PCDHGB2: variants seen among roughly 807,000 people sequenced by gnomAD.
The protein encoded by PCDHGB2 is protocadherin gamma subfamily B, 2, also known as protocadherin gamma-B2.
In PCDHGB2, 55 loss-of-function variants were observed where a neutral mutation model predicts 59.3. The observed-to-expected ratio is 0.93, with a 90% CI of 0.75 to 1.16. PCDHGB2 has a LOEUF of 1.16. Ranked by LOEUF, PCDHGB2 falls within the 50% of genes most tolerant of loss-of-function variation. PCDHGB2 has a pLI of 0.00. For synonymous variants in PCDHGB2, 516 were observed against 512.0 expected, an observed-to-expected ratio of 1.01 and a Z score of -0.11; for missense variants, 1,228 against 1,198.5, an observed-to-expected ratio of 1.02 and a Z score of -0.36.
At chr5:141,453,745 A>G (rs1208061874) in intron 1 of PCDHGB2, among the ~76,000 whole-genome samples, 1 of 152,264 alleles carries the variant, frequency 6.6e-6, no homozygotes, top group African/African-American at 2.4e-5. Context: ...CTTAAATAAC[A>G]TAAGTCTCCT....
chr5:141,485,245 G>C lies in PCDHGB2; in HGVS notation c.2422-9562G>C. 1 of 1,614,188 alleles carries C rather than the reference G, an allele frequency of 6.2e-7. No individual in the cohort carries two copies. Among genetic ancestry groups the C allele is most frequent in the Non-Finnish European group, 8.5e-7 (1 of 1,180,008 alleles). On this transcript the variant is annotated intron_variant, in intron 1 of 3. Coordinates refer to ENST00000522605, the MANE Select transcript of PCDHGB2 (RefSeq NM_018923.3). This position sits in a 1 kb window ranked among gnomAD's most constrained non-coding sequence, Gnocchi z 5.7. The stretch of plus-strand genomic sequence containing the variant: ...CCCTTTTGTTCCTCTTTTACCACCT[G>C]GGTTACGTTTGTGGGCAGATCCGCT...
At chr5:141,394,268 C>A in intron 1 of PCDHGB2, 3 of 1,613,946 alleles carry the variant, frequency 1.9e-6, no homozygotes, top group Non-Finnish European at 2.5e-6. Flanking sequence ...AGGAGAATGC[C>A]CAGGTCACTT....
intron 1 of PCDHGB2, chr5:141,492,015 G>A (rs117345436): frequency 3.3e-6 from 2 of 600,492 alleles, no homozygotes; most frequent in African/African-American, 1.9e-5. Context: ...CGCGGGTGTC[G>A]GGGGTCCCGG....
At chr5:141,471,708 T>G (rs1359785951) in intron 1 of PCDHGB2, among the ~76,000 whole-genome samples, 1 of 152,138 alleles carries the variant, frequency 6.6e-6, no homozygotes, top group Non-Finnish European at 1.5e-5. Context: ...GGAATAGAAG[T>G]GCCACTTACC....
At chr5:141,470,025 A>T (rs2099219670) in intron 1 of PCDHGB2, among the ~76,000 whole-genome samples, 1 of 152,156 alleles carries the variant, frequency 6.6e-6, no homozygotes, top group African/African-American at 2.4e-5. Context: ...GCTACTCGGG[A>T]TGCTGAGGCG....
chr5:141,423,348 C>G, intron 1 of PCDHGB2: 1 of 1,614,222 alleles, frequency 6.2e-7, no homozygotes. Flanking sequence ...TCTTCCTGGT[C>G]TTTGTCATCG....
chr5:141,477,951 G>T lies in PCDHGB2; in HGVS notation c.2422-16856G>T. 3 of 1,614,120 alleles carry T rather than the reference G, an allele frequency of 1.9e-6. No homozygotes were observed. The highest frequency in any genetic ancestry group is 2.5e-6 in the Non-Finnish European group (3 of 1,180,024). Reference sequence around the variant, plus strand: ...GCCTGGCTCTCCTACAGTCTCTTGGGATCCCCTAACCAGAGCCTTTTTGCC... The same window carrying T: ...GCCTGGCTCTCCTACAGTCTCTTGGTATCCCCTAACCAGAGCCTTTTTGCC... On this transcript the variant is annotated intron_variant, in intron 1 of 3. Transcript: ENST00000522605. The surrounding 1 kb of genome is among the most constrained non-coding windows in gnomAD (Gnocchi z 4.9).
chr5:141,413,398 A>G lies in PCDHGB2; in HGVS notation c.2421+50842A>G, dbSNP rs780416951. The G allele has an allele frequency of 1.9e-5, 30 of 1,613,944 alleles. No homozygotes were observed. Among genetic ancestry groups the G allele is most frequent in the African/African-American group, 4.0e-5 (3 of 74,960 alleles). Reference sequence around the variant, plus strand: ...CGGAGTCCGCATAGTCTCCAGAGGTAGGACGCAGCTTTTCTCTCTGAACCC... The same window carrying G: ...CGGAGTCCGCATAGTCTCCAGAGGTGGGACGCAGCTTTTCTCTCTGAACCC... On this transcript the variant is annotated intron_variant, in intron 1 of 3. Transcript: ENST00000522605.
At chr5:141,383,665 C>T (rs1779352748) in intron 1 of PCDHGB2, 2 of 1,613,970 alleles carry the variant, frequency 1.2e-6, no homozygotes, top group Non-Finnish European at 1.7e-6. Flanking sequence ...CGAGAATGTG[C>T]CAGTGGGTAC....
chr5:141,377,398 G>A (rs1274775607), intron 1 of PCDHGB2: 1 of 152,106 alleles, frequency 6.6e-6, no homozygotes. Context: ...TTGAGACCAG[G>A]AGTTTGAGAC....
intron 1 of PCDHGB2, chr5:141,416,359 A>G (rs1215806118): frequency 6.6e-6 from 1 of 152,228 alleles, no homozygotes; most frequent in Non-Finnish European, 1.5e-5. Flanking sequence ...TGAGGAGGCT[A>G]TAGAGGGTGA....
intron 1 of PCDHGB2, chr5:141,398,862 C>T (rs771326288): frequency 1.9e-5 from 31 of 1,613,848 alleles, no homozygotes; most frequent in Non-Finnish European, 2.6e-5. Flanking sequence ...TCAACCGAGA[C>T]GTGTACAGAG....
chr5:141,396,811 A>G (rs999771105), intron 1 of PCDHGB2, among the ~76,000 whole-genome samples: 1 of 152,226 alleles, frequency 6.6e-6, no homozygotes, highest in Non-Finnish European at 1.5e-5. Flanking sequence ...GTAGTGTTCT[A>G]CTGTATGGTG....
intron 1 of PCDHGB2, chr5:141,404,741 GACT>G: frequency 6.2e-7 from 1 of 1,614,072 alleles, no homozygotes; most frequent in Non-Finnish European, 8.5e-7. Flanking sequence ...AGTGGACAGA[GACT>G]CAGGCCAGAA....
chr5:141,360,455 A>T lies in PCDHGB2; in HGVS notation c.320A>T (p.Asp107Val), dbSNP rs369787624. ...CAGCCTCTGTGTGTTCTGGATTTCG[A>T]TACTGTCGCTGAAAATCCACTAAAT... ...GKQPLCVLDFDTVAENPLNIF... is the reference protein window; with the variant it reads ...GKQPLCVLDFVTVAENPLNIF... The change falls in exon 1 of 4, where the codon GAT (aspartate) becomes GTT (valine). Residue 107 changes from aspartate to valine, a missense_variant. This residue lies in a region of PCDHGB2 where 781 missense variants were observed against 721.6 expected (regional missense o/e 1.08). Coordinates refer to ENST00000522605, the MANE Select transcript of PCDHGB2 (RefSeq NM_018923.3). The T allele has an allele frequency of 1.4e-5, 22 of 1,613,862 alleles. No individual in the cohort carries two copies. Among genetic ancestry groups the T allele is most frequent in the Non-Finnish European group, 1.7e-5 (20 of 1,179,882 alleles).
intron 1 of PCDHGB2, chr5:141,414,163 G>A (rs1455950284): frequency 5.6e-6 from 9 of 1,603,256 alleles, no homozygotes; most frequent in Non-Finnish European, 7.7e-6. Flanking sequence ...AGATGGAGGA[G>A]CATATCTTGC....
Position 141,362,219 on chromosome 5 carries a change from C to A in PCDHGB2, c.2084C>A (p.Ala695Asp), listed in dbSNP as rs368538544. 6.2e-7 allele frequency: 1 copy of A among 1,614,034 alleles called. No individual in the cohort carries two copies. Among genetic ancestry groups the A allele is most frequent in the Non-Finnish European group, 8.5e-7 (1 of 1,179,900 alleles). ...QAKLQFYLVVALALISVLFFL... is the reference protein window; with the variant it reads ...QAKLQFYLVVDLALISVLFFL... ...AAACTGCAGTTTTACCTGGTTGTGG[C>A]CTTGGCCTTGATCTCAGTGCTCTTC... The change falls in exon 1 of 4, where the codon GCC (alanine) becomes GAC (aspartate). Residue 695 changes from alanine to aspartate, a missense_variant. This residue lies in a region of PCDHGB2 where 433 missense variants were observed against 441.8 expected (regional missense o/e 0.98). Transcript: ENST00000522605.
intron 1 of PCDHGB2, among the ~76,000 whole-genome samples, chr5:141,480,976 T>G (rs1485868136): frequency 6.6e-6 from 1 of 152,108 alleles, no homozygotes; most frequent in Non-Finnish European, 1.5e-5. Context: ...GGAGAATCAG[T>G]GAACCCAGGA....
At chr5:141,436,676 G>T (rs1019010328) in intron 1 of PCDHGB2, among the ~76,000 whole-genome samples, 1 of 152,238 alleles carries the variant, frequency 6.6e-6, no homozygotes, top group African/African-American at 2.4e-5. Flanking sequence ...ACCAAAAAAA[G>T]GATTTATATT....
Sources: gnomAD v4.1 joint callset for allele counts (sites outside exome capture counted in the v4.1 genomes callset) on GRCh38, gnomAD v4.1.1 for gene constraint, gnomAD v4.1.1 regional missense constraint, Gnocchi (gnomAD v3.1) non-coding constraint, MANE v1.5 for transcripts, NCBI Gene and HGNC (gene_info 2026-07-23, HGNC 2026-07-21) for gene names.